Variants in CDC16 observed in about 807,000 individuals in gnomAD.
The protein encoded by CDC16 is cell division cycle 16.
CDC16 carries 34 observed loss-of-function variants against 87.0 expected under a neutral mutation model. The ratio of observed to expected loss-of-function variants is 0.39; its 90% CI spans 0.30 to 0.52. The LOEUF (loss-of-function observed/expected upper bound fraction) is 0.52, where lower values mean the gene tolerates loss of function less well. Among genes scored for constraint, CDC16 ranks in the 20% least tolerant of loss-of-function variants. CDC16 has a pLI of 0.74. For missense variants in CDC16, 653 were observed against 751.9 expected (o/e 0.87, Z 1.54); for synonymous variants, 263 against 260.6 (o/e 1.01, Z -0.09).
chr13:114,237,986 C>G (rs1405246998), intron 3 of CDC16, among the ~76,000 whole-genome samples: 1 of 152,218 alleles, frequency 6.6e-6, no homozygotes, highest in African/African-American at 2.4e-5. Context: ...TCCTTGTTTT[C>G]TCTCCACTCT....
chr13:114,258,689 C>A (rs558968561), intron 13 of CDC16, among the ~76,000 whole-genome samples: 1 of 152,092 alleles, frequency 6.6e-6, no homozygotes, highest in African/African-American at 2.4e-5. Flanking sequence ...AACAAGGTTA[C>A]GCATTGATCA....
intron 11 of CDC16, among the ~76,000 whole-genome samples, chr13:114,248,113 G>A (rs1051683032): frequency 6.6e-6 from 1 of 152,098 alleles, no homozygotes; most frequent in Non-Finnish European, 1.5e-5. Context: ...GATTTGCTGT[G>A]GTTTTAACTT....
chr13:114,255,125 C>G (rs1363428771), intron 12 of CDC16, among the ~76,000 whole-genome samples: 1 of 152,196 alleles, frequency 6.6e-6, no homozygotes, highest in African/African-American at 2.4e-5. Flanking sequence ...TAGTATCCTT[C>G]TGTTTTAGCA....
chr13:114,270,334 C>T (rs946976340), intron 17 of CDC16, among the ~76,000 whole-genome samples: 2 of 152,112 alleles, frequency 1.3e-5, no homozygotes, highest in African/African-American at 2.4e-5. Context: ...CTCACTATCA[C>T]GAGAACAGCA....
At chr13:114,237,594 G>GT (rs60166690) in intron 3 of CDC16, among the ~76,000 whole-genome samples, 11,211 of 151,254 alleles carry the variant, frequency 0.074, 1,391 homozygotes, top group African/African-American at 0.26. Flanking sequence ...AGTAGGCCCA[G>GT]TTTTTTTTTA....
chr13:114,251,549 T>C (rs970640516), intron 12 of CDC16, among the ~76,000 whole-genome samples: 2 of 152,232 alleles, frequency 1.3e-5, no homozygotes, highest in East Asian at 1.9e-4. Flanking sequence ...CTTTGCAAAC[T>C]GTTAGGCTCT....
rs17338354 is a variant in CDC16, at chr13:114,267,017, G to T, written c.1603+1777G>T. Among the ~76,000 whole-genome samples, 872 of 152,108 alleles carry T rather than the reference G, an allele frequency of 5.7e-3. 21 individuals are homozygous for T. Among genetic ancestry groups the T allele is most frequent in the Admixed American group, 0.051 (777 of 15,284 alleles). Reference sequence around the variant, plus strand: ...GGCCAATATTACTGAATCTTACAGGGGGCTGTGATGTCTTTAATCCTTAGA... The same window carrying T: ...GGCCAATATTACTGAATCTTACAGGTGGCTGTGATGTCTTTAATCCTTAGA... On this transcript the variant is annotated intron_variant, in intron 17 of 17. Transcript: ENST00000356221.
chr13:114,240,386 A>G lies in CDC16; in HGVS notation c.381+896A>G, dbSNP rs187135920. The stretch of plus-strand genomic sequence containing the variant: ...CACCATGCCCGGCTAATTTTTTGCT[A>G]TTTTAGTAGAGACGGGGTTTCACCA... On this transcript the variant is annotated intron_variant, in intron 5 of 17. Transcript: ENST00000356221. Among the ~76,000 whole-genome samples the G allele has an allele frequency of 1.2e-4, 18 of 152,054 alleles. No individual in the cohort carries two copies. The South Asian group carries it at 3.3e-3, about 28-fold the overall frequency.
At chr13:114,236,989 G>T in intron 3 of CDC16, 93 bp downstream of exon 3, 2 of 690,214 alleles carry the variant, frequency 2.9e-6, no homozygotes, top group Non-Finnish European at 2.3e-6. Context: ...TAATCCCAGC[G>T]CTTTGGAAAG....
At chr13:114,248,441 G>A (rs2081981797) in intron 11 of CDC16, among the ~76,000 whole-genome samples, 1 of 152,182 alleles carries the variant, frequency 6.6e-6, no homozygotes, top group African/African-American at 2.4e-5. Context: ...AACACTTTGG[G>A]AGGCCGAGAC....
At chr13:114,255,497 G>A (rs867693363) in intron 12 of CDC16, among the ~76,000 whole-genome samples, 1 of 151,974 alleles carries the variant, frequency 6.6e-6, no homozygotes, top group South Asian at 2.1e-4. Flanking sequence ...TGTTCCAGAA[G>A]CCCAAACTTT....
At chr13:114,250,226 C>T (rs891084682) in intron 11 of CDC16, among the ~76,000 whole-genome samples, 1 of 152,072 alleles carries the variant, frequency 6.6e-6, no homozygotes, top group African/African-American at 2.4e-5. Flanking sequence ...GGCGCAGTGG[C>T]TCACGCCTGT....
At chr13:114,262,757 C>A in intron 15 of CDC16, 122 bp from the exon 16 acceptor site, 1 of 900,690 alleles carries the variant, frequency 1.1e-6, no homozygotes, top group Non-Finnish European at 1.8e-6. Context: ...GAACATTCAC[C>A]AGTCTAGACT....
chr13:114,247,880 A>C (rs2081957228), intron 11 of CDC16, among the ~76,000 whole-genome samples: 1 of 152,224 alleles, frequency 6.6e-6, no homozygotes, highest in South Asian at 2.1e-4. Context: ...CTGTCTCAAA[A>C]AAATAATAAT....
intron 11 of CDC16, among the ~76,000 whole-genome samples, chr13:114,249,575 T>C (rs1042465003): frequency 2.0e-5 from 3 of 152,178 alleles, no homozygotes; most frequent in Non-Finnish European, 4.4e-5. Context: ...TATGTTCTCT[T>C]TATTCCTTGT....
At chr13:114,242,067 A>G (rs2081579146) in intron 5 of CDC16, 54 bp from the exon 6 acceptor site, 1 of 1,548,126 alleles carries the variant, frequency 6.5e-7, no homozygotes, top group South Asian at 1.3e-5. Context: ...AGAAAAAAAA[A>G]AAGTTAAGTT....
chr13:114,269,386 G>C (rs2083457691), intron 17 of CDC16, among the ~76,000 whole-genome samples: 2 of 152,164 alleles, frequency 1.3e-5, no homozygotes, highest in South Asian at 4.1e-4. Context: ...GGAGGGGGCT[G>C]TACCAGGGTG....
At position 114,244,976 on chromosome 13, in the gene CDC16, CTT is replaced by C; in HGVS notation, c.847+14_847+15del. 11 of 1,506,290 alleles carry C rather than the reference CTT, an allele frequency of 7.3e-6. No individual in the cohort carries two copies. Among genetic ancestry groups the C allele is most frequent in the South Asian group, 2.4e-5 (2 of 84,080 alleles). The allele number at this position is 1,506,290 out of a possible 1,614,324, so 93.3% of individuals were successfully genotyped here. A position where few individuals can be genotyped will look rare whatever the true frequency, so the allele number is the denominator to read the frequency against. ...GAGCTGAATAAAGCCAATGGTAAGA[CTT>C]TTTTTTAAATTAAAGTAATTCTTAG... On this transcript the variant is annotated splice_region_variant and intron_variant, in intron 9 of 17. Coordinates refer to ENST00000356221, the MANE Select transcript of CDC16 (RefSeq NM_001078645.3).
chr13:114,244,995 A>T (rs552909918), intron 9 of CDC16, 26 bp downstream of exon 9: 2 of 1,334,304 alleles, frequency 1.5e-6, no homozygotes, highest in Non-Finnish European at 2.1e-6. Context: ...AAATTAAAGT[A>T]ATTCTTAGAC....
Sources: gnomAD v4.1 joint callset for allele counts (sites outside exome capture counted in the v4.1 genomes callset) on GRCh38, gnomAD v4.1.1 for gene constraint, MANE v1.5 for transcripts, NCBI Gene and HGNC (gene_info 2026-07-23, HGNC 2026-07-21) for gene names.